DDX60L: variants seen among roughly 807,000 people sequenced by gnomAD.
DDX60L encodes DExD/H-box 60 like.
In DDX60L, 191 loss-of-function variants were observed where a neutral mutation model predicts 211.6. The observed-to-expected ratio is 0.90, with a 90% CI of 0.80 to 1.02. The LOEUF (loss-of-function observed/expected upper bound fraction) is 1.02. Among genes scored for constraint, DDX60L ranks in the 50% least tolerant of loss-of-function variants. The pLI is 0.00. For missense variants in DDX60L, 2,007 were observed against 1,984.1 expected (o/e 1.01, Z -0.22); for synonymous variants, 706 against 694.1 (o/e 1.02, Z -0.27).
In DDX60L at chr4:168,395,985, T is replaced by A. The variant is rs374109847; in HGVS notation, c.3631A>T (p.Thr1211Ser). 1 of 1,604,194 alleles carries A rather than the reference T, an allele frequency of 6.2e-7. No homozygotes were observed. Among genetic ancestry groups the A allele is most frequent in the Non-Finnish European group, 8.5e-7 (1 of 1,176,366 alleles). Residue 1211 changes from threonine (T) to serine (S), a missense_variant, in exon 27 of 38, where the codon ACT (threonine) becomes TCT (serine). By Grantham distance (58) the Thr-to-Ser change is moderately conservative (BLOSUM62 1). Transcript: ENST00000682922. The stretch of plus-strand genomic sequence containing the variant: ...GAGTCTTTATTCCTGGTAATTTCAG[T>A]GTGTAGGGCTTTGACATCAGCATAC... The part of the protein sequence containing the change: ...CTYADVKALH[T>S]EITRNKDSTL...
intron 29 of DDX60L, among the ~76,000 whole-genome samples, chr4:168,389,116 G>A (rs1006046876): frequency 2.0e-5 from 3 of 152,148 alleles, no homozygotes; most frequent in African/African-American, 7.2e-5. Flanking sequence ...TCACAGCCTT[G>A]TGTAATCTGC....
At chr4:168,358,533 T>C (rs1363387893) in intron 37 of DDX60L, among the ~76,000 whole-genome samples, 2 of 143,620 alleles carry the variant, frequency 1.4e-5, no homozygotes, top group Admixed American at 7.0e-5. Context: ...TCTTTTTTTT[T>C]TTTTTTTTTT....
chr4:168,370,528 T>A (rs1270311655), intron 36 of DDX60L, among the ~76,000 whole-genome samples: 4 of 152,122 alleles, frequency 2.6e-5, no homozygotes, highest in Non-Finnish European at 5.9e-5. Flanking sequence ...CACAGTAAGG[T>A]ACGTATAGTT....
rs934932060 is a variant in DDX60L at position 168,405,799 on chromosome 4, T to C, written c.3213+151A>G. On this transcript the variant is annotated intron_variant, in intron 24 of 37. Transcript: ENST00000682922. ...ACCATTTCCCTCCTCCTTTATTCTA[T>C]CTCATACTCACTGGATAACATGTTT... The C allele has an allele frequency of 1.6e-5, 12 of 766,576 alleles. No individual in the cohort carries two copies. In the African/African-American group the frequency reaches 2.2e-4, roughly 14 times the overall value. 47.5% of individuals were successfully genotyped at this position (766,576 alleles called of 1,614,324 possible).
rs1050642202 is a variant in DDX60L at position 168,471,911 on chromosome 4, C to A, written c.100G>T (p.Val34Leu). 6.2e-7 allele frequency: 1 copy of A among 1,607,234 alleles called. No individual in the cohort carries two copies. The highest frequency in any genetic ancestry group is 1.3e-5 in the African/African-American group (1 of 74,410). ...AGYSSILNDF[V>L]ESNFFVIDGD... ...TCAATCACAAAAAAATTAGATTCCA[C>A]AAAATCATTTAATATGCTGGAATAC... The change falls in exon 4 of 38, where the codon GTG becomes TTG. Residue 34 changes from valine (V) to leucine (L), a missense_variant. Val to Leu is a conservative substitution (Grantham distance 32, BLOSUM62 1). Transcript: ENST00000682922.
Position 168,461,818 on chromosome 4 carries a change from T to C in DDX60L, c.487A>G (p.Ile163Val), listed in dbSNP as rs367978224. The stretch of plus-strand genomic sequence containing the variant: ...TTGACTTTCATTCCCCAGGAATGTA[T>C]GATTAGGAAGTTAAAAAGGTACGTT... Reference protein sequence around the residue: ...LQTYLFNFLIIHSWGMKVNVV... With the variant: ...LQTYLFNFLIVHSWGMKVNVV... Residue 163 changes from isoleucine (I) to valine (V), a missense_variant, in exon 5 of 38, where the codon ATA becomes GTA. Transcript: ENST00000682922. The C allele has an allele frequency of 6.2e-6, 10 of 1,607,260 alleles. No individual in the cohort carries two copies. The highest frequency in any genetic ancestry group is 2.7e-5 in the African/African-American group (2 of 74,872).
chr4:168,442,261 G>C (rs930506341), intron 9 of DDX60L, among the ~76,000 whole-genome samples: 1 of 152,152 alleles, frequency 6.6e-6, no homozygotes, highest in South Asian at 2.1e-4. Context: ...CTGGAAAATC[G>C]GGTCACTCCC....
At chr4:168,434,504 G>A (rs1397896462) in intron 10 of DDX60L, among the ~76,000 whole-genome samples, 1 of 152,238 alleles carries the variant, frequency 6.6e-6, no homozygotes, top group Admixed American at 6.5e-5. Flanking sequence ...GTGTAAGTCA[G>A]AAATTGCTGT....
In DDX60L at chr4:168,394,528, GTGA is replaced by G; in HGVS notation, c.3744_3746del (p.His1249del). The G allele has an allele frequency of 6.2e-7, 1 of 1,613,482 alleles. No homozygotes were observed. Among genetic ancestry groups the G allele is most frequent in the Non-Finnish European group, 8.5e-7 (1 of 1,179,556 alleles). ...CTTTTTCTTTAAAATACATGCTGCT[GTGA>G]TGATATCCAATCCCCCTTTGTGCTA... On this transcript the variant is annotated inframe_deletion, in exon 28 of 38. Coordinates refer to ENST00000682922, the MANE Select transcript of DDX60L (RefSeq NM_001012967.3).
intron 14 of DDX60L, among the ~76,000 whole-genome samples, chr4:168,424,367 T>C (rs1185695536): frequency 4.6e-5 from 7 of 152,238 alleles, no homozygotes; most frequent in Non-Finnish European, 1.0e-4. Context: ...TCTTTATCTC[T>C]ATCCCACTAC....
chr4:168,408,557 C>T (rs142167014), intron 22 of DDX60L, among the ~76,000 whole-genome samples: 62 of 152,016 alleles, frequency 4.1e-4, no homozygotes, highest in Non-Finnish European at 6.0e-4. Flanking sequence ...ATGGTTGTAT[C>T]GGTTTGTACT....
chr4:168,394,680 A>G (rs1487329537), intron 27 of DDX60L, 63 bp from the exon 28 acceptor site: 2 of 1,455,056 alleles, frequency 1.4e-6, no homozygotes, highest in Non-Finnish European at 1.9e-6. Flanking sequence ...AAGCTCAATC[A>G]GAATCAAAGG....
At chr4:168,384,853 T>C (rs1421836023) in intron 29 of DDX60L, 41 bp from the exon 30 acceptor site, 1 of 1,562,408 alleles carries the variant, frequency 6.4e-7, no homozygotes, top group Admixed American at 1.8e-5. Flanking sequence ...CCTCCACAGA[T>C]AATTATCCTA....
chr4:168,377,485 T>C (rs1470592672), intron 33 of DDX60L, among the ~76,000 whole-genome samples: 1 of 152,162 alleles, frequency 6.6e-6, no homozygotes, highest in Non-Finnish European at 1.5e-5. Context: ...CCATGTTAAC[T>C]GCATCTATTT....
rs754378970 is a variant in DDX60L at position 168,379,846 on chromosome 4, A to C, written c.4117-16T>G. On this transcript the variant is annotated splice_polypyrimidine_tract_variant and intron_variant, in intron 30 of 37. Coordinates refer to ENST00000682922, the MANE Select transcript of DDX60L (RefSeq NM_001012967.3). ...CTGACAACACCTATAAAAGAAGAGTACTTTAATTTATCTAGTTTTAAACAG... is the reference window on the plus strand; with the variant it reads ...CTGACAACACCTATAAAAGAAGAGTCCTTTAATTTATCTAGTTTTAAACAG... The C allele has an allele frequency of 7.7e-6, 12 of 1,554,980 alleles. No homozygotes were observed. The South Asian group carries it at 1.3e-4, about 16-fold the overall frequency.
intron 5 of DDX60L, among the ~76,000 whole-genome samples, chr4:168,459,821 A>AAGGAAGGAAGGAAGGG: frequency 7.4e-6 from 1 of 135,432 alleles, no homozygotes; most frequent in African/African-American, 2.7e-5. Flanking sequence ...GGAAGGAGGG[A>AAGGAAGGAAGGAAGGG]AGGGAGGGAG....
chr4:168,406,871 A>G (rs1048786847), intron 22 of DDX60L, among the ~76,000 whole-genome samples, 165 bp from the exon 23 acceptor site: 4 of 152,208 alleles, frequency 2.6e-5, no homozygotes, highest in Admixed American at 6.5e-5. Flanking sequence ...ATCTGTTAAT[A>G]AAGTCTTAAC....
In DDX60L at chr4:168,419,288, A is replaced by C. The variant is rs866765507; in HGVS notation, c.2610+14T>G. ...AGACTAGAACATCAACCAGAGAACT[A>C]ACACCAAACCTACCTCATCAAATAT... On this transcript the variant is annotated intron_variant, in intron 19 of 37. Coordinates refer to ENST00000682922, the MANE Select transcript of DDX60L (RefSeq NM_001012967.3). 5 of 1,568,832 alleles carry C rather than the reference A, an allele frequency of 3.2e-6. No homozygotes were observed. Among genetic ancestry groups the C allele is most frequent in the Middle Eastern group, 1.8e-4 (1 of 5,486 alleles).
intron 10 of DDX60L, among the ~76,000 whole-genome samples, chr4:168,439,871 T>C (rs1451441765): frequency 1.3e-5 from 2 of 152,140 alleles, no homozygotes; most frequent in African/African-American, 4.8e-5. Flanking sequence ...TCTCACACCA[T>C]ACAAAAGTAA....
Sources: allele counts gnomAD v4.1 joint callset (sites outside exome capture counted in the v4.1 genomes callset), GRCh38; gene constraint gnomAD v4.1.1; transcripts MANE v1.5; gene names NCBI Gene and HGNC (gene_info 2026-07-23, HGNC 2026-07-21).